ALMS1: variants seen among roughly 807,000 people sequenced by gnomAD.
The protein encoded by ALMS1 is centrosome-associated protein ALMS1.
Under a neutral mutation model 352.2 loss-of-function variants are expected in ALMS1, and 271 were observed. That is an observed-to-expected ratio of 0.77 (90% CI 0.70 to 0.85). The LOEUF is 0.85. Ranked by LOEUF, ALMS1 falls within the 40% of genes least tolerant of loss-of-function variation. The pLI, the probability that ALMS1 is intolerant of heterozygous loss-of-function variation, is 0.00. For synonymous variants in ALMS1, 1,865 were observed against 1,761.2 expected (o/e 1.06, Z -1.48); for missense variants, 5,445 against 4,870.7 (o/e 1.12, Z -3.51).
At chr2:73,463,979 A>G (rs1224668282) in intron 9 of ALMS1, among the ~76,000 whole-genome samples, 14 of 152,256 alleles carry the variant, frequency 9.2e-5, no homozygotes, top group Non-Finnish European at 1.9e-4. Flanking sequence ...AAAAAAGTCC[A>G]GGTCCAGATG....
chr2:73,555,013 A>G (rs1002441313), intron 13 of ALMS1, among the ~76,000 whole-genome samples: 6 of 152,230 alleles, frequency 3.9e-5, no homozygotes, highest in Non-Finnish European at 8.8e-5. Flanking sequence ...ATTGAAATAT[A>G]TTAAGACCTA....
At chr2:73,485,983 T>C (rs921471394) in intron 9 of ALMS1, among the ~76,000 whole-genome samples, 1 of 151,882 alleles carries the variant, frequency 6.6e-6, no homozygotes, top group African/African-American at 2.4e-5. Context: ...TGGCACTCCC[T>C]AGTTAGATGA....
intron 16 of ALMS1, among the ~76,000 whole-genome samples, chr2:73,593,554 A>G (rs1675477804): frequency 2.0e-5 from 3 of 152,208 alleles, no homozygotes; most frequent in African/African-American, 4.8e-5. Flanking sequence ...TTGGCATACA[A>G]TAAATAAGTG....
Position 73,453,486 on chromosome 2 carries a change from A to G in ALMS1, c.6959A>G (p.Gln2320Arg). Residue 2320 changes from glutamine (Q) to arginine (R), a missense_variant, in exon 8 of 23, where the codon CAG (glutamine) becomes CGG (arginine). Physicochemically the swap from Gln to Arg is conservative, Grantham distance 43 (BLOSUM62 1). Coordinates refer to ENST00000613296, the MANE Select transcript of ALMS1 (RefSeq NM_001378454.1). ...TCTAATGGTGATTTGCTTCACAGAC[A>G]GCCATTCACAGAGGAAAGCCCAAGC... ...GVSNGDLLHR[Q>R]PFTEESPSSR... 1 of 1,613,544 alleles carries G rather than the reference A, an allele frequency of 6.2e-7. No homozygotes were observed. Among genetic ancestry groups the G allele is most frequent in the Non-Finnish European group, 8.5e-7 (1 of 1,179,732 alleles).
intron 7 of ALMS1, among the ~76,000 whole-genome samples, chr2:73,447,010 C>T (rs1437175958): frequency 6.6e-6 from 1 of 152,058 alleles, no homozygotes; most frequent in Non-Finnish European, 1.5e-5. Context: ...TATTGTCAGC[C>T]TCCTCCTGCT....
chr2:73,477,314 T>A lies in ALMS1; in HGVS notation c.7675-12320T>A, dbSNP rs148921771. 3.3e-5 allele frequency among the ~76,000 whole-genome samples: 5 copies of A among 152,272 alleles called. No homozygotes were observed. In the East Asian group the frequency reaches 9.6e-4, roughly 29 times the overall value. ...TACCATAAATGTTAGTGTTTATTTC[T>A]GGACTGTCGGTTCTATGCCATTGAT... On this transcript the variant is annotated intron_variant, in intron 9 of 22. Coordinates refer to ENST00000613296, the MANE Select transcript of ALMS1 (RefSeq NM_001378454.1).
chr2:73,486,799 A>G (rs1009482085), intron 9 of ALMS1, among the ~76,000 whole-genome samples: 2 of 152,216 alleles, frequency 1.3e-5, no homozygotes, highest in Non-Finnish European at 2.9e-5. Context: ...CTGTAATCCC[A>G]GCACTTTGGG....
chr2:73,537,787 GC>G (rs1674062942), intron 12 of ALMS1, among the ~76,000 whole-genome samples: 1 of 152,078 alleles, frequency 6.6e-6, no homozygotes, highest in Admixed American at 6.6e-5. Context: ...TGGGAGGATT[GC>G]CTGAGCCCTG....
intron 9 of ALMS1, among the ~76,000 whole-genome samples, chr2:73,461,059 A>G (rs1297209624): frequency 6.6e-6 from 1 of 152,206 alleles, no homozygotes; most frequent in Admixed American, 6.5e-5. Flanking sequence ...GTAGACTTAA[A>G]TGTCCCTGTC....
At chr2:73,557,966 C>T (rs755856340) in intron 14 of ALMS1, among the ~76,000 whole-genome samples, 5 of 152,196 alleles carry the variant, frequency 3.3e-5, no homozygotes, top group Non-Finnish European at 5.9e-5. Flanking sequence ...TCTCTTGTTA[C>T]TCTAACATTT....
At chr2:73,487,061 G>T (rs1042119283) in intron 9 of ALMS1, among the ~76,000 whole-genome samples, 4 of 152,094 alleles carry the variant, frequency 2.6e-5, no homozygotes, top group African/African-American at 9.7e-5. Flanking sequence ...CAAAGAAGAA[G>T]AGAAAAGAAA....
intron 5 of ALMS1, among the ~76,000 whole-genome samples, chr2:73,425,862 A>G (rs1028973768): frequency 3.9e-5 from 6 of 152,236 alleles, no homozygotes; most frequent in African/African-American, 1.4e-4. Context: ...ATCCAAATTT[A>G]AAATTACCCC....
chr2:73,386,078 C>T lies in ALMS1; in HGVS notation c.210C>T (p.Asp70=), dbSNP rs1670519815. 1.1e-5 allele frequency: 18 copies of T among 1,595,576 alleles called. No homozygotes were observed. Among genetic ancestry groups the T allele is most frequent in the Admixed American group, 1.7e-5 (1 of 57,468 alleles). The change falls in exon 1 of 23, where the codon GAC becomes GAT. Residue 70 remains aspartate, a synonymous_variant. Transcript: ENST00000613296. Reference sequence around the variant, plus strand: ...CCCAGCATCTGGAAAGTATAGACGACGAGGAGGACGAGGAGGCCAAGGCCT... The same window carrying T: ...CCCAGCATCTGGAAAGTATAGACGATGAGGAGGACGAGGAGGCCAAGGCCT... ...YGPQHLESID[D]EEDEEAKAWL...
chr2:73,400,750 C>G (rs1054465681), intron 1 of ALMS1, among the ~76,000 whole-genome samples: 1 of 151,992 alleles, frequency 6.6e-6, no homozygotes, highest in Non-Finnish European at 1.5e-5. Context: ...CTTTATTATC[C>G]TTTTAATGTC....
At chr2:73,586,979 A>G (rs754897247) in intron 16 of ALMS1, among the ~76,000 whole-genome samples, 4 of 151,632 alleles carry the variant, frequency 2.6e-5, no homozygotes, top group Non-Finnish European at 5.9e-5. Flanking sequence ...TTGGTTAGGT[A>G]TATTCCTAAG....
At chr2:73,608,423 G>A in intron 21 of ALMS1, 52 bp from the exon 22 acceptor site, 1 of 1,419,188 alleles carries the variant, frequency 7.0e-7, no homozygotes, top group Non-Finnish European at 9.9e-7. Context: ...TCATGACTCT[G>A]CACCCTGGTA....
chr2:73,536,507 C>A (rs1265563058), intron 12 of ALMS1, among the ~76,000 whole-genome samples: 1 of 151,936 alleles, frequency 6.6e-6, no homozygotes, highest in African/African-American at 2.4e-5. Flanking sequence ...TTCATCTATT[C>A]TGAGAGTGAG....
At chr2:73,506,056 C>T (rs1673313731) in intron 10 of ALMS1, among the ~76,000 whole-genome samples, 1 of 152,094 alleles carries the variant, frequency 6.6e-6, no homozygotes, top group Admixed American at 6.6e-5. Context: ...GGAATCCTTT[C>T]TCCATTGCTT....
At chr2:73,556,617 A>AG (rs1674547490) in intron 13 of ALMS1, among the ~76,000 whole-genome samples, 1 of 149,822 alleles carries the variant, frequency 6.7e-6, no homozygotes. Flanking sequence ...CTTTGAAAAA[A>AG]CATACCTGAT....
Sources: gnomAD v4.1 joint callset for allele counts (sites outside exome capture counted in the v4.1 genomes callset) on GRCh38, gnomAD v4.1.1 for gene constraint, MANE v1.5 for transcripts, NCBI Gene and HGNC (gene_info 2026-07-23, HGNC 2026-07-21) for gene names.